The following SCLY variants were observed in gnomAD, a reference collection of about 807,000 sequenced individuals.
The protein encoded by SCLY is putative selenocysteine lyase.
Under a neutral mutation model 50.1 loss-of-function variants are expected in SCLY, and 38 were observed. That is an observed-to-expected ratio of 0.76 (90% confidence interval 0.59 to 0.99). The LOEUF is 0.99. SCLY is among the 50% of genes least tolerant of loss of function. SCLY has a pLI of 0.00. For synonymous variants in SCLY, 243 were observed against 249.4 expected, an observed-to-expected ratio of 0.97 and a Z score of 0.24; for missense variants, 600 against 620.0, an observed-to-expected ratio of 0.97 and a Z score of 0.34.
chr2:238,068,109 G>C lies in SCLY; in HGVS notation c.247G>C (p.Ala83Pro). ...TATAAATGCAGCTCGGGAAAGCCTC[G>C]CGAAGATGATAGGGGGGAAACCTCA... ...DIINAARESL[A>P]KMIGGKPQDI... Residue 83 changes from alanine (A) to proline (P), a missense_variant, in exon 3 of 12, where the codon GCG becomes CCG. Physicochemically the swap from Ala to Pro is conservative, Grantham distance 27 (BLOSUM62 -1). Transcript: ENST00000254663. 2 of 1,612,230 alleles carry C rather than the reference G, an allele frequency of 1.2e-6. No homozygotes were observed. The highest frequency in any genetic ancestry group is 1.1e-5 in the South Asian group (1 of 90,458).
rs191003749 is a variant in SCLY at position 238,088,948 on chromosome 2, G to T, written c.885-2270G>T. 3.4e-4 allele frequency among the ~76,000 whole-genome samples: 52 copies of T among 152,288 alleles called. 1 individual carries two copies. The highest frequency in any genetic ancestry group is 1.2e-3 in the African/African-American group (51 of 41,552). The stretch of plus-strand genomic sequence containing the variant: ...AGTAAGGCAAGAAAAGGAAGCAAAA[G>T]GCATATAGATCAGAATGGAAGAGGT... On this transcript the variant is annotated intron_variant, in intron 7 of 11. Transcript: ENST00000254663.
chr2:238,093,809 C>T (rs914449943), intron 8 of SCLY, 52 bp from the exon 9 acceptor site: 8 of 1,546,830 alleles, frequency 5.2e-6, no homozygotes, highest in Middle Eastern at 3.3e-4. Context: ...CTTTTTGGCC[C>T]TCCTTTATTT....
At chr2:238,075,343 C>T (rs1347222269) in intron 4 of SCLY, among the ~76,000 whole-genome samples, 1 of 152,110 alleles carries the variant, frequency 6.6e-6, no homozygotes, top group Non-Finnish European at 1.5e-5. Flanking sequence ...CTGTAGTTTT[C>T]TTGTGGTGTC....
intron 7 of SCLY, among the ~76,000 whole-genome samples, chr2:238,085,939 G>A (rs559862582): frequency 6.6e-6 from 1 of 152,068 alleles, no homozygotes; most frequent in Non-Finnish European, 1.5e-5. Flanking sequence ...TAGCATAAAC[G>A]CAAAGAAATC....
In SCLY at chr2:238,094,513, C is replaced by T. The variant is rs375487058; in HGVS notation, c.1099C>T (p.Arg367Trp). ...NTCNFSIRGP[R>W]LQGHVVLAQC... ...CTGTAACTTTTCCATCCGGGGACCC[C>T]GGCTTCAAGGTGATGGCCCCTCACC... Residue 367 changes from arginine to tryptophan, a missense_variant, in exon 10 of 12, where the codon CGG (arginine) becomes TGG (tryptophan). Transcript: ENST00000254663. The T allele has an allele frequency of 1.5e-5, 24 of 1,613,788 alleles. No individual in the cohort carries two copies. The highest frequency in any genetic ancestry group is 1.2e-4 in the Admixed American group (7 of 60,006).
chr2:238,094,479 T>TC lies in SCLY; in HGVS notation c.1068dup (p.Asn357GlnfsTer4). On this transcript the variant is annotated frameshift_variant, in exon 10 of 12. Transcript: ENST00000254663. LOFTEE classifies it high-confidence loss of function. Reference sequence around the variant, plus strand: ...GCCAGTTTCCAGGCACCCAGCGGCTTCCCAATACCTGTAACTTTTCCATCC... The same window carrying TC: ...GCCAGTTTCCAGGCACCCAGCGGCTTCCCCAATACCTGTAACTTTTCCATCC... The TC allele has an allele frequency of 6.2e-7, 1 of 1,614,232 alleles. No individual in the cohort carries two copies.
rs143730757 is a variant in SCLY, at chr2:238,061,656, T to C, written c.89+513T>C. ...AAGCCGGGAAGCCAGTTGGGGATCT[T>C]GTAACAACCTAGGAGAGAGATGTGG... On this transcript the variant is annotated intron_variant, in intron 1 of 11. Coordinates refer to ENST00000254663, the MANE Select transcript of SCLY (RefSeq NM_016510.7). Among the ~76,000 whole-genome samples the C allele has an allele frequency of 2.0e-5, 3 of 152,178 alleles. No homozygotes were observed. In the East Asian group the frequency reaches 5.8e-4, roughly 29 times the overall value.
chr2:238,068,129 ACCT>A lies in SCLY; in HGVS notation c.269_271del (p.Pro90del). On this transcript the variant is annotated inframe_deletion, in exon 3 of 12. Transcript: ENST00000254663. ...GCCTCGCGAAGATGATAGGGGGGAAACCTCAAGATATAATCTTCACTTCCGGGG... is the reference window on the plus strand; with the variant it reads ...GCCTCGCGAAGATGATAGGGGGGAAACAAGATATAATCTTCACTTCCGGGG... 6.2e-7 allele frequency: 1 copy of A among 1,611,458 alleles called. No homozygotes were observed. The highest frequency in any genetic ancestry group is 1.1e-5 in the South Asian group (1 of 90,320).
At chr2:238,081,599 GACA>G in intron 4 of SCLY, 107 bp from the exon 5 acceptor site, 1 of 1,437,838 alleles carries the variant, frequency 7.0e-7, no homozygotes, top group African/African-American at 1.4e-5. Flanking sequence ...TCTGAACTTG[GACA>G]ACAATTTACT....
chr2:238,086,708 T>TAGAA (rs2065301382), intron 7 of SCLY, among the ~76,000 whole-genome samples: 1 of 97,710 alleles, frequency 1.0e-5, no homozygotes, highest in Non-Finnish European at 1.8e-5. Flanking sequence ...CCTGTCTCTT[T>TAGAA]AAAAAAAAAA....
chr2:238,098,590 TA>T lies in SCLY; in HGVS notation c.*236del, dbSNP rs1559254439. 14,675 of 420,932 alleles carry T rather than the reference TA, an allele frequency of 0.035. 1,187 individuals are homozygous for T. The highest frequency in any genetic ancestry group is 0.042 in the East Asian group (957 of 22,532). The allele number at this position is 420,932 out of a possible 1,614,324, so 26.1% of individuals were successfully genotyped here. A position where few individuals can be genotyped will look rare whatever the true frequency, so the allele number is the denominator to read the frequency against. On this transcript the variant is annotated 3_prime_UTR_variant, in exon 12 of 12. Transcript: ENST00000254663. ...GACTGCCCACATGGGACCGCCCACA[TA>T]GGACCGCCCACATAGGACCGCCCAC...
At position 238,096,796 on chromosome 2, in the gene SCLY, C is replaced by T. The variant is rs372126268; in HGVS notation, c.1109-5C>T. Reference sequence around the variant, plus strand: ...ATCTCAGGGGCATGTGCTCTGTCTCCGCAGGCCACGTGGTGCTTGCGCAGT... The same window carrying T: ...ATCTCAGGGGCATGTGCTCTGTCTCTGCAGGCCACGTGGTGCTTGCGCAGT... On this transcript the variant is annotated splice_polypyrimidine_tract_variant and splice_region_variant and intron_variant, in intron 10 of 11. Coordinates refer to ENST00000254663, the MANE Select transcript of SCLY (RefSeq NM_016510.7). 62 of 1,606,908 alleles carry T rather than the reference C, an allele frequency of 3.9e-5. No individual in the cohort carries two copies. Among genetic ancestry groups the T allele is most frequent in the African/African-American group, 2.3e-4 (17 of 74,828 alleles).
chr2:238,065,542 A>G (rs1038168527), intron 2 of SCLY, among the ~76,000 whole-genome samples: 2 of 152,084 alleles, frequency 1.3e-5, no homozygotes, highest in African/African-American at 4.8e-5. Flanking sequence ...ATAAACTCAA[A>G]AGTGTTGCAG....
At position 238,084,100 on chromosome 2, in the gene SCLY, G is replaced by A. The variant is rs571496183; in HGVS notation, c.884+746G>A. Among the ~76,000 whole-genome samples the A allele has an allele frequency of 3.3e-5, 5 of 152,340 alleles. No individual in the cohort carries two copies. In the East Asian group the frequency reaches 7.7e-4, roughly 23 times the overall value. ...ATCCACACCTGCAAAGATGGAGTGG[G>A]AAACCCAGACTTCCACCAATACAGG... On this transcript the variant is annotated intron_variant, in intron 7 of 11. Transcript: ENST00000254663.
intron 7 of SCLY, among the ~76,000 whole-genome samples, chr2:238,085,292 G>T (rs1358776278): frequency 6.6e-6 from 1 of 152,130 alleles, no homozygotes; most frequent in Non-Finnish European, 1.5e-5. Flanking sequence ...ATTGGAAATT[G>T]TAGAACTAAG....
chr2:238,093,559 T>C (rs2065391897), intron 8 of SCLY: 1 of 417,764 alleles, frequency 2.4e-6, no homozygotes, highest in Non-Finnish European at 4.4e-6. Flanking sequence ...AGGAGTCTGT[T>C]CCCCTCTTCC....
At chr2:238,080,812 C>G (rs981347208) in intron 4 of SCLY, 1 of 152,314 alleles carries the variant, frequency 6.6e-6, no homozygotes, top group Non-Finnish European at 1.5e-5. Flanking sequence ...CTGGCCCGTG[C>G]CCTGCGCTTC....
intron 7 of SCLY, among the ~76,000 whole-genome samples, chr2:238,088,232 C>T (rs1376751943): frequency 2.0e-5 from 3 of 152,146 alleles, no homozygotes; most frequent in Non-Finnish European, 2.9e-5. Flanking sequence ...GAGGCCAAGG[C>T]GGGTAAATCA....
chr2:238,088,453 T>A (rs1233915925), intron 7 of SCLY, among the ~76,000 whole-genome samples: 1 of 151,828 alleles, frequency 6.6e-6, no homozygotes, highest in Non-Finnish European at 1.5e-5. Flanking sequence ...AGAGCAAGAC[T>A]CTATCTCAAA....
Sources: gnomAD v4.1 joint callset for allele counts (sites outside exome capture counted in the v4.1 genomes callset) on GRCh38, gnomAD v4.1.1 for gene constraint, MANE v1.5 for transcripts, NCBI Gene and HGNC (gene_info 2026-07-23, HGNC 2026-07-21) for gene names.